ZNF41: variants seen among roughly 807,000 people sequenced by gnomAD.
ZNF41 encodes zinc finger protein 41.
A neutral mutation model predicts 9.3 loss-of-function variants in ZNF41; 6 were observed. The observed-to-expected ratio is 0.65, with a 90% CI of 0.35 to 1.28. The LOEUF (loss-of-function observed/expected upper bound fraction) is 1.28, where lower values mean the gene tolerates loss of function less well. Ranked by LOEUF, ZNF41 falls within the 50% of genes most tolerant of loss-of-function variation. The pLI is 0.03. For synonymous variants in ZNF41, 192 were observed against 207.1 expected (o/e 0.93, Z 0.63); for missense variants, 523 against 585.8 (o/e 0.89, Z 1.11).
At position 47,467,723 on chromosome X, in the gene ZNF41, T is replaced by C; in HGVS notation, c.-242A>G. 3 of 428,333 alleles carry C rather than the reference T, an allele frequency of 7.0e-6. No individual in the cohort carries two copies. The highest frequency in any genetic ancestry group is 1.2e-5 in the Non-Finnish European group (3 of 245,946). 35.3% of individuals were successfully genotyped at this position (428,333 alleles called of 1,213,427 possible). On this transcript the variant is annotated 5_prime_UTR_variant, in exon 2 of 5. Coordinates refer to ENST00000684689, the MANE Select transcript of ZNF41 (RefSeq NM_001324144.2). ...CACTCCACGTTCACTCACAAATGTT[T>C]TCTGGTGGTGCCCAGGGGCCGCTCA...
Position 47,469,731 on chromosome X carries a change from G to A in ZNF41, c.-279-1971C>T, listed in dbSNP as rs763140062. Among the ~76,000 whole-genome samples, 6 of 111,263 alleles carry A rather than the reference G, an allele frequency of 5.4e-5. No homozygotes were observed. In the South Asian group the frequency reaches 1.9e-3, roughly 35 times the overall value. ...TAAAAATATAAAAAATTAGCCAGGC[G>A]TGGTGGCACGCACCTGTAGTCCCAG... On this transcript the variant is annotated intron_variant, in intron 1 of 4. Coordinates refer to ENST00000684689, the MANE Select transcript of ZNF41 (RefSeq NM_001324144.2).
At chrX:47,469,661 C>T (rs1053259427) in intron 1 of ZNF41, among the ~76,000 whole-genome samples, 52 of 111,845 alleles carry the variant, frequency 4.6e-4, no homozygotes, top group African/African-American at 1.7e-3. Flanking sequence ...GAGCGGATCA[C>T]GAAGTCAGGA....
Position 47,446,438 on chromosome X carries a change from G to A in ZNF41, c.*992C>T, listed in dbSNP as rs181140459. 13 of 111,001 alleles carry A rather than the reference G, an allele frequency of 1.2e-4. No individual in the cohort carries two copies. Among genetic ancestry groups the A allele is most frequent in the Non-Finnish European group, 2.5e-4 (13 of 52,983 alleles). 9.1% of individuals were successfully genotyped at this position (111,001 alleles called of 1,213,427 possible). A position where few individuals can be genotyped will look rare whatever the true frequency, so the allele number is the denominator to read the frequency against. The stretch of plus-strand genomic sequence containing the variant: ...GAAGAAAAACAAAATATTAGGAAGT[G>A]AAACTCAATTTTTCAACCATTCTTT... On this transcript the variant is annotated 3_prime_UTR_variant, in exon 5 of 5. Transcript: ENST00000684689.
chrX:47,470,045 C>T (rs2057134541), intron 1 of ZNF41, among the ~76,000 whole-genome samples: 1 of 110,965 alleles, frequency 9.0e-6, no homozygotes, highest in Non-Finnish European at 1.9e-5. Flanking sequence ...CAACTACTAG[C>T]AGAAATTGAT....
In ZNF41 at chrX:47,467,615, C is replaced by G; in HGVS notation, c.-134G>C. ...GCAAGCAGGGGTCAGAAGGAAGATC[C>G]TGCAGTTTCCACTAAGAAGCCTGGC... On this transcript the variant is annotated 5_prime_UTR_variant, in exon 2 of 5. Transcript: ENST00000684689. The G allele has an allele frequency of 1.3e-6, 1 of 758,476 alleles. No homozygotes were observed. The highest frequency in any genetic ancestry group is 2.5e-5 in the South Asian group (1 of 40,542). The allele number at this position is 758,476 out of a possible 1,213,427, so 62.5% of individuals were successfully genotyped here. A position where few individuals can be genotyped will look rare whatever the true frequency, so the allele number is the denominator to read the frequency against.
chrX:47,463,180 A>C (rs1396848066), intron 2 of ZNF41, among the ~76,000 whole-genome samples: 1 of 110,584 alleles, frequency 9.0e-6, no homozygotes. Context: ...TGGTCTGTGG[A>C]CCACACTTTG....
chrX:47,462,427 C>A (rs1272586624), intron 2 of ZNF41, among the ~76,000 whole-genome samples: 1 of 110,818 alleles, frequency 9.0e-6, no homozygotes, highest in South Asian at 3.9e-4. Flanking sequence ...TTGTTCCTTC[C>A]GAGTACCCCC....
rs759993530 is a variant in ZNF41 at position 47,448,352 on chromosome X, CCA to C, written c.1416_1417del (p.Cys472TrpfsTer6). On this transcript the variant is annotated frameshift_variant, in exon 5 of 5. Coordinates refer to ENST00000684689, the MANE Select transcript of ZNF41 (RefSeq NM_001324144.2). LOFTEE classifies it low-confidence loss of function (END_TRUNC). Reference sequence around the variant, plus strand: ...TTGTGACTTCTTAGTGAAGGATTTCCCACAGTCACTGCATTCATACGGCTTTT... The same window carrying C: ...TTGTGACTTCTTAGTGAAGGATTTCCCAGTCACTGCATTCATACGGCTTTT... The C allele has an allele frequency of 1.7e-6, 2 of 1,209,407 alleles. No individual in the cohort carries two copies. Among genetic ancestry groups the C allele is most frequent in the African/African-American group, 1.8e-5 (1 of 57,021 alleles).
intron 2 of ZNF41, among the ~76,000 whole-genome samples, chrX:47,460,968 G>A (rs4300117): frequency 0.4 from 43,653 of 110,352 alleles, 6,667 homozygotes; most frequent in African/African-American, 0.56. Context: ...TTATAGTGGC[G>A]TTATTCAAAA....
chrX:47,456,591 A>C (rs773931683), intron 2 of ZNF41, among the ~76,000 whole-genome samples, 193 bp from the exon 3 acceptor site: 1 of 112,685 alleles, frequency 8.9e-6, no homozygotes, highest in East Asian at 2.8e-4. Flanking sequence ...TGTGTACTAC[A>C]TTAATTCATT....
At chrX:47,482,227 C>T (rs956632457) in intron 1 of ZNF41, among the ~76,000 whole-genome samples, 2 of 109,901 alleles carry the variant, frequency 1.8e-5, no homozygotes, top group African/African-American at 6.6e-5. Context: ...CCACAGGCTA[C>T]CCATCAACTT....
intron 2 of ZNF41, among the ~76,000 whole-genome samples, chrX:47,463,734 C>T (rs189337453): frequency 1.2e-3 from 130 of 111,466 alleles, no homozygotes; most frequent in Non-Finnish European, 1.5e-4. Flanking sequence ...GTTCCTTGCT[C>T]CAGGTGTTCC....
rs2056275521 is a variant in ZNF41 at position 47,449,385 on chromosome X, A to G, written c.385T>C (p.Ser129Pro). 8.3e-7 allele frequency: 1 copy of G among 1,209,478 alleles called. No homozygotes were observed. The highest frequency in any genetic ancestry group is 1.7e-5 in the African/African-American group (1 of 57,162). The change falls in exon 5 of 5, where the codon TCA becomes CCA. Residue 129 changes from serine to proline, a missense_variant. Physicochemically the swap from Ser to Pro is moderately conservative, Grantham distance 74. Coordinates refer to ENST00000684689, the MANE Select transcript of ZNF41 (RefSeq NM_001324144.2). ...AGTTCTTCTAAAATAGAACATAATG[A>G]ATCTTCTCCTATGGGTTGATCAAAT... ...ERFDQPIGED[S>P]LCSILEELWQ... is the part of the protein sequence containing the mutation.
chrX:47,476,451 T>C (rs1378081874), intron 1 of ZNF41, among the ~76,000 whole-genome samples: 1 of 112,005 alleles, frequency 8.9e-6, no homozygotes, highest in Non-Finnish European at 1.9e-5. Context: ...CGAGATTATC[T>C]AGAGAACTCT....
chrX:47,456,420 C>T (rs2056565851), intron 2 of ZNF41, 22 bp from the exon 3 acceptor site: 4 of 1,210,953 alleles, frequency 3.3e-6, no homozygotes, highest in Non-Finnish European at 4.5e-6. Context: ...CAATGCTGTT[C>T]AAGGCAGCAT....
chrX:47,452,397 G>A (rs758198469), intron 4 of ZNF41, among the ~76,000 whole-genome samples: 6 of 108,979 alleles, frequency 5.5e-5, no homozygotes, highest in African/African-American at 1.3e-4. Context: ...AGTCACCTCC[G>A]CATCAATAGC....
Position 47,455,955 on chromosome X carries a change from C to T in ZNF41, c.261G>A (p.Met87Ile), listed in dbSNP as rs1310030463. 2 of 1,211,833 alleles carry T rather than the reference C, an allele frequency of 1.7e-6. No individual in the cohort carries two copies. The highest frequency in any genetic ancestry group is 2.2e-6 in the Non-Finnish European group (2 of 895,494). The change falls in exon 4 of 5, where the codon ATG (methionine) becomes ATA (isoleucine). Residue 87 changes from methionine (M) to isoleucine (I), a missense_variant. Physicochemically the swap from Met to Ile is conservative, Grantham distance 10 (BLOSUM62 1). Transcript: ENST00000684689. ...TCTGATGTGGGGCTTCCCCCTCCAG[C>T]ATCCATGGCCCCTCTCCTTGCTCCA... ...FKLEQGEGPWMLEGEAPHQSC... is the reference protein window; with the variant it reads ...FKLEQGEGPWILEGEAPHQSC...
rs778051518 is a variant in ZNF41 at position 47,449,372 on chromosome X, A to G, written c.398T>C (p.Ile133Thr). Reference protein sequence around the residue: ...QPIGEDSLCSILEELWQDNDQ... With the variant: ...QPIGEDSLCSTLEELWQDNDQ... ...ATTATCTTGCCACAGTTCTTCTAAA[A>G]TAGAACATAATGAATCTTCTCCTAT... Residue 133 changes from isoleucine to threonine, a missense_variant, in exon 5 of 5, where the codon ATT (isoleucine) becomes ACT (threonine). Physicochemically the swap from Ile to Thr is moderately conservative, Grantham distance 89 (BLOSUM62 -1). Transcript: ENST00000684689. The G allele has an allele frequency of 1.7e-6, 2 of 1,211,549 alleles. No homozygotes were observed. The highest frequency in any genetic ancestry group is 2.3e-4 in the Middle Eastern group (1 of 4,354).
At chrX:47,464,664 C>T (rs932506251) in intron 2 of ZNF41, among the ~76,000 whole-genome samples, 1 of 111,399 alleles carries the variant, frequency 9.0e-6, no homozygotes, top group East Asian at 2.8e-4. Context: ...CAGAATCATT[C>T]GTCTAGAAAT....
Sources: gnomAD v4.1 joint callset for allele counts (sites outside exome capture counted in the v4.1 genomes callset) on GRCh38, gnomAD v4.1.1 for gene constraint, MANE v1.5 for transcripts, NCBI Gene and HGNC (gene_info 2026-07-23, HGNC 2026-07-21) for gene names.